Variants in SAMHD1 observed in about 807,000 individuals in gnomAD.
SAMHD1 encodes deoxynucleoside triphosphate triphosphohydrolase SAMHD1.
Under a neutral mutation model 79.6 loss-of-function variants are expected in SAMHD1, and 54 were observed. The ratio of observed to expected loss-of-function variants is 0.68; its 90% CI spans 0.55 to 0.85. The LOEUF is 0.85. Ranked by LOEUF, SAMHD1 falls within the 40% of genes least tolerant of loss-of-function variation. The pLI, the probability that SAMHD1 is intolerant of heterozygous loss-of-function variation, is 0.00. For synonymous variants in SAMHD1, 260 were observed against 264.1 expected, an observed-to-expected ratio of 0.98 and a Z score of 0.15; for missense variants, 663 against 782.7, an observed-to-expected ratio of 0.85 and a Z score of 1.82.
At chr20:36,903,798 A>T (rs796147927) in intron 13 of SAMHD1, among the ~76,000 whole-genome samples, 3 of 145,276 alleles carry the variant, frequency 2.1e-5, no homozygotes, top group African/African-American at 7.7e-5. Context: ...TGATCCACCC[A>T]CCTCTGCCTC....
rs775082384 is a variant in SAMHD1, at chr20:36,892,878, C to G, written c.*54G>C. ...AATTTGCAGAATTCTATGATTGAAG[C>G]CTCTAAATGAATTGTGCAGGAGAGG... On this transcript the variant is annotated 3_prime_UTR_variant, in exon 16 of 16. Coordinates refer to ENST00000646673, the MANE Select transcript of SAMHD1 (RefSeq NM_015474.4). 2.5e-6 allele frequency: 4 copies of G among 1,603,878 alleles called. No homozygotes were observed. Among genetic ancestry groups the G allele is most frequent in the Non-Finnish European group, 3.4e-6 (4 of 1,170,948 alleles).
intron 4 of SAMHD1, among the ~76,000 whole-genome samples, chr20:36,933,588 C>T (rs575444082): frequency 3.7e-4 from 57 of 152,174 alleles, no homozygotes; most frequent in African/African-American, 1.3e-3. Flanking sequence ...ACCTTGGCCT[C>T]CCGGGTTCAA....
rs1990076813 is a variant in SAMHD1 at position 36,891,652 on chromosome 20, T to G, written c.*1280A>C. On this transcript the variant is annotated 3_prime_UTR_variant, in exon 16 of 16. Coordinates refer to ENST00000646673, the MANE Select transcript of SAMHD1 (RefSeq NM_015474.4). ...TTACCTAGCGGAGCCTGGAGCCCAC[T>G]GGGTGGTCACTAATTTCAGCACAGG... is the stretch of plus-strand genomic sequence containing the variant. 6.6e-6 allele frequency: 1 copy of G among 152,022 alleles called. No homozygotes were observed. Among genetic ancestry groups the G allele is most frequent in the African/African-American group, 2.4e-5 (1 of 41,384 alleles). The allele number at this position is 152,022 out of a possible 1,614,324, so 9.4% of individuals were successfully genotyped here.
intron 2 of SAMHD1, among the ~76,000 whole-genome samples, chr20:36,941,708 C>T (rs563630233): frequency 1.1e-4 from 17 of 152,026 alleles, no homozygotes; most frequent in African/African-American, 4.1e-4. Context: ...ACAGAGAGTG[C>T]AGGCAAAGGG....
chr20:36,911,313 T>C lies in SAMHD1; in HGVS notation c.1175A>G (p.Lys392Arg). Reference protein sequence around the residue: ...IDTMITDAFLKADDYIEITGA... With the variant: ...IDTMITDAFLRADDYIEITGA... ...TGTAATCTCTATGTAGTCATCTGCT[T>C]TGAGGAAAGCATCTGTAATCCTAAA... The change falls in exon 11 of 16, where the codon AAA (lysine) becomes AGA (arginine). Residue 392 changes from lysine to arginine, a missense_variant. Physicochemically the swap from Lys to Arg is conservative, Grantham distance 26. Coordinates refer to ENST00000646673, the MANE Select transcript of SAMHD1 (RefSeq NM_015474.4). 6.2e-7 allele frequency: 1 copy of C among 1,611,188 alleles called. No individual in the cohort carries two copies. The highest frequency in any genetic ancestry group is 1.7e-5 in the Admixed American group (1 of 60,006).
intron 11 of SAMHD1, among the ~76,000 whole-genome samples, chr20:36,905,972 T>C (rs1485057163): frequency 1.4e-5 from 2 of 146,150 alleles, no homozygotes; most frequent in Admixed American, 1.3e-4. Flanking sequence ...AGAGACTGTC[T>C]CAAAAAAAAA....
At chr20:36,907,626 G>A (rs1428921750) in intron 11 of SAMHD1, among the ~76,000 whole-genome samples, 2 of 137,024 alleles carry the variant, frequency 1.5e-5, no homozygotes, top group South Asian at 2.3e-4. Flanking sequence ...TGCAACCTCC[G>A]CCTCCTGGGT....
At chr20:36,899,802 G>A (rs1601114405) in intron 13 of SAMHD1, among the ~76,000 whole-genome samples, 2 of 152,028 alleles carry the variant, frequency 1.3e-5, no homozygotes, top group South Asian at 4.1e-4. Flanking sequence ...GAGAAAATGA[G>A]AAACAAAAAT....
intron 1 of SAMHD1, among the ~76,000 whole-genome samples, chr20:36,948,321 T>C (rs1165973211): frequency 2.0e-5 from 3 of 151,992 alleles, no homozygotes; most frequent in Non-Finnish European, 4.4e-5. Context: ...GGCGGGATCT[T>C]GGCTCACTGC....
In SAMHD1 at chr20:36,931,231, G is replaced by GTAGC. The variant is rs1213695667; in HGVS notation, c.510-360_510-357dup. On this transcript the variant is annotated intron_variant, in intron 4 of 15. Transcript: ENST00000646673. ...ACTGTTAGTGGGGATGTATTATGGT[G>GTAGC]TAGCTGCCATGGAAAACAGTATGGG... Among the ~76,000 whole-genome samples, 4 of 152,334 alleles carry GTAGC rather than the reference G, an allele frequency of 2.6e-5. No individual in the cohort carries two copies. In the East Asian group the frequency reaches 5.8e-4, roughly 22 times the overall value.
Position 36,891,006 on chromosome 20 carries a change from A to G in SAMHD1, c.*1926T>C, listed in dbSNP as rs1228271909. On this transcript the variant is annotated 3_prime_UTR_variant, in exon 16 of 16. Transcript: ENST00000646673. ...AAAATGATTTTAACAGAAAAATATG[A>G]CATTCCTGACCTTAGGTCTGGGCAC... 2 of 152,206 alleles carry G rather than the reference A, an allele frequency of 1.3e-5. No individual in the cohort carries two copies. Among genetic ancestry groups the G allele is most frequent in the South Asian group, 2.1e-4 (1 of 4,836 alleles). 9.4% of individuals were successfully genotyped at this position (152,206 alleles called of 1,614,324 possible). A position where few individuals can be genotyped will look rare whatever the true frequency, so the allele number is the denominator to read the frequency against.
chr20:36,951,560 T>G lies in SAMHD1; in HGVS notation c.84A>C (p.Ala28=). 1 of 1,614,196 alleles carries G rather than the reference T, an allele frequency of 6.2e-7. No homozygotes were observed. The highest frequency in any genetic ancestry group is 8.5e-7 in the Non-Finnish European group (1 of 1,180,010). ...CCAGGCCCGGGGACCAGTCTGCCTC[T>G]GCGGAAGGGGTGTTTGAGGGGGTTC... ...SPRTPSNTPS[A]EADWSPGLEL... Residue 28 remains alanine (A), a synonymous_variant, in exon 1 of 16, where the codon GCA becomes GCC. Coordinates refer to ENST00000646673, the MANE Select transcript of SAMHD1 (RefSeq NM_015474.4).
intron 13 of SAMHD1, among the ~76,000 whole-genome samples, chr20:36,902,391 C>T (rs926152098): frequency 6.6e-6 from 1 of 152,156 alleles, no homozygotes; most frequent in African/African-American, 2.4e-5. Flanking sequence ...CCATGTTGGC[C>T]AGGCTGGTCC....
intron 9 of SAMHD1, among the ~76,000 whole-genome samples, chr20:36,913,445 A>G (rs1230663965): frequency 6.6e-6 from 1 of 151,524 alleles, no homozygotes; most frequent in Non-Finnish European, 1.5e-5. Context: ...CTCTACAAAA[A>G]TACAAAAATT....
At position 36,900,734 on chromosome 20, in the gene SAMHD1, C is replaced by CT. The variant is rs777039974; in HGVS notation, c.1504-2191dup. The stretch of plus-strand genomic sequence containing the variant: ...GGTGTGTGCCATCATGCCTGGCTCA[C>CT]TTTTTTTTTTTTTAATTTTAGTAGA... On this transcript the variant is annotated intron_variant, in intron 13 of 15. Transcript: ENST00000646673. 5.4e-3 allele frequency among the ~76,000 whole-genome samples: 774 copies of CT among 143,542 alleles called. 4 individuals carry two copies. The highest frequency in any genetic ancestry group is 7.9e-3 in the Non-Finnish European group (515 of 65,124). 94.2% of individuals were successfully genotyped at this position (143,542 alleles called of 152,430 possible).
intron 4 of SAMHD1, among the ~76,000 whole-genome samples, chr20:36,932,346 C>T (rs1241151513): frequency 9.1e-6 from 1 of 109,896 alleles, no homozygotes. Context: ...AGCGAAACTC[C>T]GTCTCCAAAA....
Position 36,951,494 on chromosome 20 carries a change from C to T in SAMHD1, c.150G>A (p.Val50=). 6.2e-7 allele frequency: 1 copy of T among 1,614,208 alleles called. No homozygotes were observed. Among genetic ancestry groups the T allele is most frequent in the Non-Finnish European group, 8.5e-7 (1 of 1,180,014 alleles). ...PDYKTWGPEQ[V]CSFLRRGGFE... ...AGCCACCGCGCCTGAGGAAGGAGCA[C>T]ACCTGCTCCGGACCCCATGTCTTGT... Residue 50 remains valine (V), a synonymous_variant, in exon 1 of 16, where the codon GTG becomes GTA. Coordinates refer to ENST00000646673, the MANE Select transcript of SAMHD1 (RefSeq NM_015474.4).
At chr20:36,929,934 A>G (rs914911285) in intron 5 of SAMHD1, among the ~76,000 whole-genome samples, 1 of 152,142 alleles carries the variant, frequency 6.6e-6, no homozygotes, top group Non-Finnish European at 1.5e-5. Context: ...TTATTTGATA[A>G]GAAGGACAAG....
chr20:36,940,717 T>A (rs2063637480), intron 3 of SAMHD1: 4 of 373,094 alleles, frequency 1.1e-5, no homozygotes, highest in Middle Eastern at 8.6e-4. Context: ...AAAAAGAATG[T>A]ACAAAGGAGG....
Sources: gnomAD v4.1 joint callset for allele counts (sites outside exome capture counted in the v4.1 genomes callset) on GRCh38, gnomAD v4.1.1 for gene constraint, MANE v1.5 for transcripts, NCBI Gene and HGNC (gene_info 2026-07-23, HGNC 2026-07-21) for gene names.